L3HYPDH: variants seen among roughly 807,000 people sequenced by gnomAD.
L3HYPDH encodes the protein trans-3-hydroxy-L-proline dehydratase.
In L3HYPDH, 32 loss-of-function variants were observed where a neutral mutation model predicts 26.5. That is an observed-to-expected ratio of 1.21 (90% CI 0.91 to 1.62). L3HYPDH has a LOEUF of 1.62. Ranked by LOEUF, L3HYPDH falls within the 40% of genes most tolerant of loss-of-function variation. L3HYPDH has a pLI of 0.00. For synonymous variants in L3HYPDH, 215 were observed against 196.6 expected (o/e 1.09, Z -0.78); for missense variants, 554 against 476.4 (o/e 1.16, Z -1.52).
At chr14:59,494,340 G>A in the L3HYPDH span, among the ~76,000 whole-genome samples, 28 of 152,278 alleles carry the variant, frequency 1.8e-4, no homozygotes, top group South Asian at 5.6e-3. Flanking sequence ...ACAAATCACA[G>A]TATTGTCACA....
upstream of L3HYPDH, chr14:59,484,999 G>T (rs1178079330): frequency 5.1e-6 from 8 of 1,582,982 alleles, no homozygotes; most frequent in Non-Finnish European, 6.0e-6. Context: ...GATTTATAGC[G>T]CCCGTCACAA....
At chr14:59,481,347 C>G (rs907742333) in intron 1 of L3HYPDH, among the ~76,000 whole-genome samples, 7 of 152,166 alleles carry the variant, frequency 4.6e-5, no homozygotes, top group African/African-American at 1.7e-4. Flanking sequence ...ACATTAGTGC[C>G]TTAATTACTA....
chr14:59,474,726 A>T, intron 4 of L3HYPDH: 1 of 425,514 alleles, frequency 2.4e-6, no homozygotes, highest in South Asian at 6.2e-5. Flanking sequence ...CACAGTACTG[A>T]CCTTGTAGGA....
chr14:59,471,804 C>G (rs1412334093), downstream of L3HYPDH, among the ~76,000 whole-genome samples: 1 of 152,008 alleles, frequency 6.6e-6, no homozygotes, highest in Non-Finnish European at 1.5e-5. Flanking sequence ...CAAATCTGAT[C>G]TGCAAAAATT....
upstream of L3HYPDH, among the ~76,000 whole-genome samples, chr14:59,488,941 T>A (rs1370127340): frequency 6.6e-6 from 1 of 152,264 alleles, no homozygotes; most frequent in Non-Finnish European, 1.5e-5. Flanking sequence ...GAAGACAGCC[T>A]ACTTTCTATT....
intron 2 of L3HYPDH, 106 bp downstream of exon 2, chr14:59,479,076 T>A: frequency 1.2e-6 from 1 of 867,944 alleles, no homozygotes; most frequent in Non-Finnish European, 1.7e-6. Flanking sequence ...TTCTTAGTAC[T>A]ATTAATAATT....
At chr14:59,483,223 C>A (rs10139134) in intron 1 of L3HYPDH, among the ~76,000 whole-genome samples, 59,515 of 152,038 alleles carry the variant, frequency 0.39, 12,421 homozygotes, top group African/African-American at 0.53. Flanking sequence ...CCTAAGGTTG[C>A]ACAGCTTTAG....
At chr14:59,503,862 T>C in the L3HYPDH span, 54 of 1,607,118 alleles carry the variant, frequency 3.4e-5, no homozygotes, top group Admixed American at 1.8e-4. Context: ...AGAACTGCTA[T>C]GATCTTCTGG....
upstream of L3HYPDH, chr14:59,486,837 G>A (rs756330996): frequency 1.6e-5 from 21 of 1,317,674 alleles, no homozygotes; most frequent in African/African-American, 3.0e-4. Flanking sequence ...ATTTCATTTT[G>A]TAAAATCTAT....
the L3HYPDH span, among the ~76,000 whole-genome samples, chr14:59,502,750 ATTT>A: frequency 8.1e-4 from 4 of 4,908 alleles, no homozygotes; most frequent in Non-Finnish European, 2.3e-3. Flanking sequence ...ATAAAATGAG[ATTT>A]TTTTTTTTTT....
At chr14:59,504,156 C>A in the L3HYPDH span, 2 of 769,666 alleles carry the variant, frequency 2.6e-6, no homozygotes, top group East Asian at 5.2e-5. Flanking sequence ...GAGAACTATT[C>A]TATCATATAT....
chr14:59,504,449 C>CG, the L3HYPDH span: 1 of 178,182 alleles, frequency 5.6e-6, no homozygotes, highest in South Asian at 1.8e-4. Flanking sequence ...CGTAATTGTA[C>CG]TTACCTGTTG....
the L3HYPDH span, chr14:59,498,788 C>T: frequency 4.4e-6 from 7 of 1,608,640 alleles, no homozygotes; most frequent in Non-Finnish European, 6.0e-6. Flanking sequence ...GCTCCGACCT[C>T]TTCTGGTGAA....
chr14:59,486,832 A>G, upstream of L3HYPDH: 1 of 1,336,872 alleles, frequency 7.5e-7, no homozygotes. Context: ...ATCTTATTTC[A>G]TTTTGTAAAA....
downstream of L3HYPDH, among the ~76,000 whole-genome samples, chr14:59,471,022 A>G (rs1313445037): frequency 6.7e-6 from 1 of 149,452 alleles, no homozygotes; most frequent in African/African-American, 2.5e-5. Flanking sequence ...CAAGACCCTC[A>G]CTGAGATGGG....
At chr14:59,487,701 G>A (rs1430847306), upstream of L3HYPDH, 1 of 1,613,200 alleles carries the variant, frequency 6.2e-7, no homozygotes, top group Admixed American at 1.7e-5. Flanking sequence ...GAGAACGAAT[G>A]CACAGAAATA....
the L3HYPDH span, among the ~76,000 whole-genome samples, chr14:59,492,006 G>C: frequency 6.6e-6 from 1 of 152,056 alleles, no homozygotes; most frequent in South Asian, 2.1e-4. Flanking sequence ...TCTAGTAATG[G>C]CCTCATAGTC....
At chr14:59,476,335 T>G in intron 2 of L3HYPDH, 121 bp from the exon 3 acceptor site, 1 of 711,578 alleles carries the variant, frequency 1.4e-6, no homozygotes, top group Admixed American at 3.0e-5. Context: ...AAATACCTTT[T>G]TGGGCAACGT....
chr14:59,483,268 T>C (rs1286543402), intron 1 of L3HYPDH, among the ~76,000 whole-genome samples: 2 of 152,228 alleles, frequency 1.3e-5, no homozygotes, highest in African/African-American at 4.8e-5. Flanking sequence ...GCAATGTGTG[T>C]TCCTGTTCTT....
Sources: gnomAD v4.1 joint callset for allele counts (sites outside exome capture counted in the v4.1 genomes callset) on GRCh38, gnomAD v4.1.1 for gene constraint, MANE v1.5 for transcripts, NCBI Gene and HGNC (gene_info 2026-07-23, HGNC 2026-07-21) for gene names.